GRM1: variants seen among roughly 807,000 people sequenced by gnomAD.
GRM1 encodes glutamate metabotropic receptor 1, also known as metabotropic glutamate receptor 1.
A neutral mutation model predicts 90.9 loss-of-function variants in GRM1; 33 were observed. The ratio of observed to expected loss-of-function variants is 0.36; its 90% CI spans 0.28 to 0.49. The LOEUF (loss-of-function observed/expected upper bound fraction) is 0.49, where lower values mean the gene tolerates loss of function less well. Ranked by LOEUF, GRM1 falls within the 20% of genes least tolerant of loss-of-function variation. The probability of loss-of-function intolerance (pLI) is 0.99; values close to 1 mark genes in which losing one functional copy is unlikely to be tolerated. For missense variants in GRM1, 1,190 were observed against 1,534.3 expected, an observed-to-expected ratio of 0.78 and a Z score of 3.75; for synonymous variants, 700 against 613.2, an observed-to-expected ratio of 1.14 and a Z score of -2.09.
At chr6:146,425,431 G>A (rs775781087) in intron 7 of GRM1, among the ~76,000 whole-genome samples, 9 of 152,122 alleles carry the variant, frequency 5.9e-5, no homozygotes, top group Non-Finnish European at 8.8e-5. Flanking sequence ...GTTTTCACTC[G>A]TCTGTCTACT....
intron 2 of GRM1, among the ~76,000 whole-genome samples, chr6:146,228,796 C>T (rs771732062): frequency 6.6e-6 from 1 of 152,152 alleles, no homozygotes; most frequent in Non-Finnish European, 1.5e-5. Context: ...CCTGTAGCTT[C>T]TCCAATTTTA....
chr6:146,125,899 A>G (rs1250880395), intron 1 of GRM1, among the ~76,000 whole-genome samples: 2 of 152,102 alleles, frequency 1.3e-5, no homozygotes, highest in African/African-American at 2.4e-5. Flanking sequence ...TTCATGGTAT[A>G]ATTTGACTGA....
intron 3 of GRM1, among the ~76,000 whole-genome samples, chr6:146,319,902 A>T (rs1326951814): frequency 6.6e-6 from 1 of 152,282 alleles, no homozygotes; most frequent in Non-Finnish European, 1.5e-5. Flanking sequence ...CAATCATGTC[A>T]TCTGCAAACA....
chr6:146,086,628 C>T lies in GRM1; in HGVS notation c.700+56411C>T, dbSNP rs60430705. 1.0e-2 allele frequency among the ~76,000 whole-genome samples: 1,518 copies of T among 151,964 alleles called. 22 individuals are homozygous for T. Among genetic ancestry groups the T allele is most frequent in the African/African-American group, 0.035 (1,441 of 41,464 alleles). ...TTCAGGTCATCTGGGGGTGTGATGT[C>T]TCTCTCTCGGGGGAGAAGATCATTA... is the stretch of plus-strand genomic sequence containing the variant. On this transcript the variant is annotated intron_variant, in intron 1 of 7. Coordinates refer to ENST00000282753, the MANE Select transcript of GRM1 (RefSeq NM_001278064.2).
chr6:146,034,848 C>CTT (rs1277022536), intron 1 of GRM1, among the ~76,000 whole-genome samples: 1 of 151,884 alleles, frequency 6.6e-6, no homozygotes, highest in African/African-American at 2.4e-5. Flanking sequence ...CAACAGATGA[C>CTT]TTTAAGTAAA....
At chr6:146,195,243 T>C (rs1392963690) in intron 2 of GRM1, among the ~76,000 whole-genome samples, 1 of 152,196 alleles carries the variant, frequency 6.6e-6, no homozygotes, top group Admixed American at 6.5e-5. Context: ...GGTAATTTAA[T>C]TTTAAATTAT....
intron 1 of GRM1, among the ~76,000 whole-genome samples, chr6:146,139,316 T>A (rs1397844001): frequency 6.6e-6 from 1 of 152,208 alleles, no homozygotes; most frequent in African/African-American, 2.4e-5. Context: ...TCTGTAAATA[T>A]CTATTATGTC....
At chr6:146,175,179 T>C (rs1778295055) in intron 2 of GRM1, among the ~76,000 whole-genome samples, 1 of 152,230 alleles carries the variant, frequency 6.6e-6, no homozygotes, top group Admixed American at 6.5e-5. Context: ...AGGCTGCCTA[T>C]TATGGTGGTA....
At chr6:146,032,770 T>C (rs182702559) in intron 1 of GRM1, among the ~76,000 whole-genome samples, 152 of 152,332 alleles carry the variant, frequency 1.0e-3, no homozygotes, top group African/African-American at 3.5e-3. Flanking sequence ...TTCATTATCA[T>C]CGTTTCTTGT....
intron 3 of GRM1, among the ~76,000 whole-genome samples, chr6:146,328,647 T>G (rs923801110): frequency 1.3e-5 from 2 of 152,234 alleles, no homozygotes; most frequent in African/African-American, 2.4e-5. Flanking sequence ...TCATGACATA[T>G]GATCTCTATC....
rs199734282 is a variant in GRM1, at chr6:146,029,550, G to T, written c.33G>T (p.Ala11=). 6.2e-7 allele frequency: 1 copy of T among 1,614,050 alleles called. No individual in the cohort carries two copies. The highest frequency in any genetic ancestry group is 8.5e-7 in the Non-Finnish European group (1 of 1,179,992). Residue 11 remains alanine, a synonymous_variant, in exon 1 of 8, where the codon GCG becomes GCT. Transcript: ENST00000282753. ...GGCTCCTTTTGTTTTTTTTCCCAGCGATCTTTTTGGAGGTGTCCCTTCTCC... is the reference window on the plus strand; with the variant it reads ...GGCTCCTTTTGTTTTTTTTCCCAGCTATCTTTTTGGAGGTGTCCCTTCTCC... MVGLLLFFFP[A]IFLEVSLLPR...
intron 2 of GRM1, among the ~76,000 whole-genome samples, chr6:146,240,627 A>G (rs1157873524): frequency 6.6e-6 from 1 of 152,150 alleles, no homozygotes; most frequent in Non-Finnish European, 1.5e-5. Flanking sequence ...CATCCAAAGC[A>G]ATTCTAAGGG....
chr6:146,340,824 G>A (rs1434475738), intron 3 of GRM1, among the ~76,000 whole-genome samples: 2 of 152,140 alleles, frequency 1.3e-5, no homozygotes, highest in Admixed American at 6.5e-5. Context: ...GATTGCAGGC[G>A]TGAGCCACCG....
rs558280671 is a variant in GRM1 at position 146,392,690 on chromosome 6, C to T, written c.1729+5674C>T. On this transcript the variant is annotated intron_variant, in intron 6 of 7. Coordinates refer to ENST00000282753, the MANE Select transcript of GRM1 (RefSeq NM_001278064.2). The stretch of plus-strand genomic sequence containing the variant: ...CCTAAAGCTATCCCTCCCTTTGCCC[C>T]ACACTCCCTGACAGTCTCTGGCGTA... Among the ~76,000 whole-genome samples, 20 of 152,224 alleles carry T rather than the reference C, an allele frequency of 1.3e-4. No homozygotes were observed. The South Asian group carries it at 4.1e-3, about 32-fold the overall frequency.
chr6:146,075,835 G>A (rs182983040), intron 1 of GRM1, among the ~76,000 whole-genome samples: 59 of 152,198 alleles, frequency 3.9e-4, no homozygotes, highest in African/African-American at 1.3e-3. Context: ...CTTCACATGG[G>A]CCTCTATTTT....
chr6:146,292,280 A>G (rs1783014809), intron 2 of GRM1, among the ~76,000 whole-genome samples: 1 of 152,008 alleles, frequency 6.6e-6, no homozygotes. Context: ...AATGAAAGAA[A>G]AAATAGATTA....
chr6:146,413,853 C>T (rs887544105), intron 7 of GRM1, among the ~76,000 whole-genome samples: 5 of 152,184 alleles, frequency 3.3e-5, no homozygotes, highest in African/African-American at 1.2e-4. Flanking sequence ...TTCTTTCACA[C>T]AACATGAGAT....
At chr6:146,385,233 T>C (rs1004745747) in intron 5 of GRM1, among the ~76,000 whole-genome samples, 1 of 151,808 alleles carries the variant, frequency 6.6e-6, no homozygotes, top group African/African-American at 2.4e-5. Flanking sequence ...ATATCCAAAA[T>C]AAGAAAGGGG....
At chr6:146,420,219 A>G (rs1191573194) in intron 7 of GRM1, among the ~76,000 whole-genome samples, 1 of 152,246 alleles carries the variant, frequency 6.6e-6, no homozygotes, top group Non-Finnish European at 1.5e-5. Flanking sequence ...GTGAAGCTAA[A>G]ATGACAAAAT....
Sources: gnomAD v4.1 joint callset for allele counts (sites outside exome capture counted in the v4.1 genomes callset) on GRCh38, gnomAD v4.1.1 for gene constraint, MANE v1.5 for transcripts, NCBI Gene and HGNC (gene_info 2026-07-23, HGNC 2026-07-21) for gene names.